Variants in SPATC1 observed in about 807,000 individuals in gnomAD.
SPATC1 encodes the protein spermatogenesis and centriole associated 1.
In SPATC1, 35 loss-of-function variants were observed where a neutral mutation model predicts 36.5. The ratio of observed to expected loss-of-function variants is 0.96; its 90% CI spans 0.73 to 1.27. The LOEUF (loss-of-function observed/expected upper bound fraction) is 1.27, where lower values mean the gene tolerates loss of function less well. Ranked by LOEUF, SPATC1 falls within the 50% of genes most tolerant of loss-of-function variation. The pLI is 0.00. For missense variants in SPATC1, 779 were observed against 796.0 expected (o/e 0.98, Z 0.26); for synonymous variants, 361 against 353.6 (o/e 1.02, Z -0.24).
intron 1 of SPATC1, among the ~76,000 whole-genome samples, chr8:144,022,554 C>A (rs1464423756): frequency 1.5e-5 from 2 of 133,166 alleles, no homozygotes; most frequent in Non-Finnish European, 3.2e-5. Context: ...AAACCCTTCC[C>A]CCTCAGGACC....
chr8:144,015,858 G>A lies in SPATC1; in HGVS notation c.211+3132G>A, dbSNP rs1431059826. ...GAGGATCATAAGGTCAGGAGACTGA[G>A]ACCATCCTAGCAAACACAGTGAAAC... On this transcript the variant is annotated intron_variant, in intron 1 of 4. Coordinates refer to ENST00000377470, the MANE Select transcript of SPATC1 (RefSeq NM_198572.3). Among the ~76,000 whole-genome samples, 4 of 151,524 alleles carry A rather than the reference G, an allele frequency of 2.6e-5. No homozygotes were observed. The East Asian group carries it at 7.8e-4, about 29-fold the overall frequency.
intron 1 of SPATC1, among the ~76,000 whole-genome samples, chr8:144,019,604 GC>G (rs1378216882): frequency 6.6e-6 from 1 of 152,108 alleles, no homozygotes; most frequent in Admixed American, 6.5e-5. Flanking sequence ...GGGAGATAGG[GC>G]TGTTGGAGTA....
intron 1 of SPATC1, among the ~76,000 whole-genome samples, chr8:144,038,206 A>G (rs1205292036): frequency 6.7e-6 from 1 of 150,328 alleles, no homozygotes; most frequent in Admixed American, 6.6e-5. Context: ...AAGCCCAGGC[A>G]GGCAGATCAT....
chr8:144,028,464 A>C (rs1834728972), intron 1 of SPATC1, among the ~76,000 whole-genome samples: 1 of 152,206 alleles, frequency 6.6e-6, no homozygotes, highest in African/African-American at 2.4e-5. Flanking sequence ...GCTCATCATC[A>C]CTGGTTGTTA....
At chr8:144,027,271 G>A (rs1197780546) in intron 1 of SPATC1, among the ~76,000 whole-genome samples, 2 of 152,110 alleles carry the variant, frequency 1.3e-5, no homozygotes, top group Admixed American at 6.5e-5. Context: ...ATCCTGCCCA[G>A]CCCATTGCTC....
chr8:144,015,961 CT>C (rs1406381002), intron 1 of SPATC1, among the ~76,000 whole-genome samples: 4 of 150,210 alleles, frequency 2.7e-5, no homozygotes, highest in African/African-American at 4.9e-5. Flanking sequence ...ACTTGGGAGG[CT>C]GAGGCGGGAG....
intron 1 of SPATC1, among the ~76,000 whole-genome samples, chr8:144,021,279 C>A (rs1159801873): frequency 0.21 from 5,171 of 24,640 alleles, 30 homozygotes; most frequent in East Asian, 0.28. Flanking sequence ...CCCCTTCCCT[C>A]AGGTCCCTCT....
At chr8:144,032,265 T>C (rs1454765507) in intron 1 of SPATC1, among the ~76,000 whole-genome samples, 3 of 152,078 alleles carry the variant, frequency 2.0e-5, no homozygotes, top group African/African-American at 7.2e-5. Flanking sequence ...AATTTAGTTA[T>C]GGTATTTTTT....
intron 1 of SPATC1, among the ~76,000 whole-genome samples, chr8:144,036,294 T>G (rs1834896671): frequency 6.6e-6 from 1 of 152,152 alleles, no homozygotes; most frequent in Non-Finnish European, 1.5e-5. Flanking sequence ...TTGTGCAATT[T>G]TGATTTACTT....
rs1316088142 is a variant in SPATC1, at chr8:144,045,352, T to C, written c.1447-1275T>C. Among the ~76,000 whole-genome samples, 1 of 152,202 alleles carries C rather than the reference T, an allele frequency of 6.6e-6. No homozygotes were observed. Among genetic ancestry groups the C allele is most frequent in the Admixed American group, 6.5e-5 (1 of 15,284 alleles). On this transcript the variant is annotated intron_variant, in intron 4 of 4. Coordinates refer to ENST00000377470, the MANE Select transcript of SPATC1 (RefSeq NM_198572.3). The surrounding 1 kb of genome is among the most constrained non-coding windows in gnomAD (Gnocchi z 5.2). Reference sequence around the variant, plus strand: ...GCTGAGCGCAGGCTCTGGGAGCACTTAGCAGAGGTTGACGTCACATTAACC... The same window carrying C: ...GCTGAGCGCAGGCTCTGGGAGCACTCAGCAGAGGTTGACGTCACATTAACC...
At chr8:144,031,450 C>CTTTTTTTTTTTTTTTTTTT (rs1176896425) in intron 1 of SPATC1, among the ~76,000 whole-genome samples, 1 of 116,690 alleles carries the variant, frequency 8.6e-6, no homozygotes, top group Non-Finnish European at 1.7e-5. Flanking sequence ...ATTTTTTTTT[C>CTTTTTTTTTTTTTTTTTTT]TTTTTTTTTT....
Position 144,040,658 on chromosome 8 carries a change from C to T in SPATC1, c.857C>T (p.Pro286Leu), listed in dbSNP as rs149753905. 931 of 1,613,812 alleles carry T rather than the reference C, an allele frequency of 5.8e-4. 2 individuals are homozygous for T. The highest frequency in any genetic ancestry group is 4.8e-3 in the Middle Eastern group (29 of 6,060). ...GGAGCACCCCTCCAGACCTCCACCC[C>T]TATCGGAGCCATGGGCACACCTGCT... ...FAGAPLQTSTPIGAMGTPAPK... is the reference protein window; with the variant it reads ...FAGAPLQTSTLIGAMGTPAPK... The change falls in exon 3 of 5, where the codon CCT becomes CTT. Residue 286 changes from proline to leucine, a missense_variant. Coordinates refer to ENST00000377470, the MANE Select transcript of SPATC1 (RefSeq NM_198572.3).
At position 144,040,961 on chromosome 8, in the gene SPATC1, A is replaced by C. The variant is rs1587528453; in HGVS notation, c.1160A>C (p.His387Pro). The C allele has an allele frequency of 1.9e-6, 3 of 1,595,902 alleles. No individual in the cohort carries two copies. Among genetic ancestry groups the C allele is most frequent in the Admixed American group, 1.7e-5 (1 of 58,070 alleles). ...PVPHCPPHNAHSPPRTSSSPA... is the reference protein window; with the variant it reads ...PVPHCPPHNAPSPPRTSSSPA... ...CCCCACTGTCCTCCACACAACGCCC[A>C]CTCCCCACCTCGTACCTCATCCTCC... The change falls in exon 3 of 5, where the codon CAC becomes CCC. Residue 387 changes from histidine to proline, a missense_variant. Coordinates refer to ENST00000377470, the MANE Select transcript of SPATC1 (RefSeq NM_198572.3).
intron 1 of SPATC1, among the ~76,000 whole-genome samples, chr8:144,030,597 G>A (rs925377490): frequency 3.9e-5 from 6 of 152,126 alleles, no homozygotes; most frequent in Non-Finnish European, 8.8e-5. Flanking sequence ...GACACCAGGT[G>A]ATCCACCCGC....
rs967177788 is a variant in SPATC1, at chr8:144,032,758, C to T, written c.212-7151C>T. 9.2e-3 allele frequency among the ~76,000 whole-genome samples: 1,402 copies of T among 152,060 alleles called. 8 individuals are homozygous for T. Among genetic ancestry groups the T allele is most frequent in the Middle Eastern group, 0.02 (6 of 294 alleles). The stretch of plus-strand genomic sequence containing the variant: ...AATATTGTAATTTTTGTCCATATTG[C>T]TCCCCCTCATGCGAGCAAGCCACAC... On this transcript the variant is annotated intron_variant, in intron 1 of 4. Transcript: ENST00000377470.
rs782028067 is a variant in SPATC1, at chr8:144,040,927, C to G, written c.1126C>G (p.Leu376Val). The G allele has an allele frequency of 4.4e-6, 7 of 1,597,308 alleles. No individual in the cohort carries two copies. The highest frequency in any genetic ancestry group is 1.3e-5 in the African/African-American group (1 of 74,442). ...SRMHNSPTQN[L>V]PVPHCPPHNA... ...AATGCATAATTCCCCAACCCAGAAC[C>G]TGCCTGTCCCCCACTGTCCTCCACA... Residue 376 changes from leucine (L) to valine (V), a missense_variant, in exon 3 of 5, where the codon CTG becomes GTG. Leu to Val is a conservative substitution (Grantham distance 32). Transcript: ENST00000377470.
chr8:144,029,793 A>G (rs896687492), intron 1 of SPATC1, among the ~76,000 whole-genome samples: 5 of 152,146 alleles, frequency 3.3e-5, no homozygotes, highest in African/African-American at 1.2e-4. Flanking sequence ...GTTGGAGGGA[A>G]GTGTTTTGTA....
intron 1 of SPATC1, among the ~76,000 whole-genome samples, chr8:144,015,479 C>T (rs1466475243): frequency 2.7e-5 from 4 of 150,864 alleles, no homozygotes; most frequent in African/African-American, 7.3e-5. Flanking sequence ...CAGTGGCTCA[C>T]GCCTATAATC....
In SPATC1 at chr8:144,040,682, C is replaced by A. The variant is rs782782262; in HGVS notation, c.881C>A (p.Ala294Asp). 2.5e-6 allele frequency: 4 copies of A among 1,613,866 alleles called. No homozygotes were observed. The Admixed American group carries it at 6.7e-5, about 27-fold the overall frequency. Residue 294 changes from alanine to aspartate, a missense_variant, in exon 3 of 5, where the codon GCT (alanine) becomes GAT (aspartate). Ala to Asp is a moderately radical substitution (Grantham distance 126). Coordinates refer to ENST00000377470, the MANE Select transcript of SPATC1 (RefSeq NM_198572.3). Reference protein sequence around the residue: ...STPIGAMGTPAPKTAFSFNTS... With the variant: ...STPIGAMGTPDPKTAFSFNTS... ...CCTATCGGAGCCATGGGCACACCTGCTCCCAAGACGGCCTTCTCCTTCAAC... is the reference window on the plus strand; with the variant it reads ...CCTATCGGAGCCATGGGCACACCTGATCCCAAGACGGCCTTCTCCTTCAAC...
Sources: gnomAD v4.1 joint callset for allele counts (sites outside exome capture counted in the v4.1 genomes callset) on GRCh38, gnomAD v4.1.1 for gene constraint, Gnocchi (gnomAD v3.1) non-coding constraint, MANE v1.5 for transcripts, NCBI Gene and HGNC (gene_info 2026-07-23, HGNC 2026-07-21) for gene names.